Variants in ATP1A3 observed in about 807,000 individuals in gnomAD.
ATP1A3 encodes sodium/potassium-transporting ATPase subunit alpha-3.
ATP1A3 carries 12 observed loss-of-function variants against 108.8 expected under a neutral mutation model. The ratio of observed to expected loss-of-function variants is 0.11; its 90% CI spans 0.07 to 0.18. ATP1A3 has a LOEUF of 0.18. Among genes scored for constraint, ATP1A3 ranks in the 10% least tolerant of loss-of-function variants. ATP1A3 has a pLI of 1.00. For synonymous variants in ATP1A3, 539 were observed against 564.5 expected (o/e 0.95, Z 0.64); for missense variants, 498 against 1,387.7 (o/e 0.36, Z 10.19).
chr19:41,974,768 C>A (rs143300561), intron 16 of ATP1A3, among the ~76,000 whole-genome samples: 3 of 152,312 alleles, frequency 2.0e-5, no homozygotes, highest in Non-Finnish European at 2.9e-5. Context: ...CAAAATAAAT[C>A]TGAATGTGAA....
In ATP1A3 at chr19:41,966,591, C is replaced by A; in HGVS notation, c.*346G>T. ...ACAACACACACACCGCTTCTCTCTC[C>A]CCACTGATATATTTGATAATTGTCC... On this transcript the variant is annotated 3_prime_UTR_variant, in exon 23 of 23. Coordinates refer to ENST00000648268, the MANE Select transcript of ATP1A3 (RefSeq NM_152296.5). 5.0e-6 allele frequency: 7 copies of A among 1,403,984 alleles called. No individual in the cohort carries two copies. The highest frequency in any genetic ancestry group is 6.6e-6 in the Non-Finnish European group (7 of 1,053,922). 87.0% of individuals were successfully genotyped at this position (1,403,984 alleles called of 1,614,324 possible).
Position 41,985,449 on chromosome 19 carries a change from G to A in ATP1A3, c.607-26C>T, listed in dbSNP as rs782611739. ...CTGGGGGTAGGTGCAGCAGAGAGAGGGTTCAGTCCAGGGCCTGGGACAGGA... is the reference window on the plus strand; with the variant it reads ...CTGGGGGTAGGTGCAGCAGAGAGAGAGTTCAGTCCAGGGCCTGGGACAGGA... On this transcript the variant is annotated intron_variant, in intron 6 of 22. Transcript: ENST00000648268. The surrounding 1 kb of genome is among the most constrained non-coding windows in gnomAD (Gnocchi z 8.2). The A allele has an allele frequency of 3.3e-5, 52 of 1,597,672 alleles. No individual in the cohort carries two copies. In the South Asian group the frequency reaches 5.2e-4, roughly 16 times the overall value.
chr19:41,966,957 C>T lies in ATP1A3; in HGVS notation c.3022G>A (p.Glu1008Lys). 1 of 1,551,278 alleles carries T rather than the reference C, an allele frequency of 6.4e-7. No individual in the cohort carries two copies. Among genetic ancestry groups the T allele is most frequent in the Non-Finnish European group, 8.7e-7 (1 of 1,146,942 alleles). The change falls in exon 23 of 23, where the codon GAG becomes AAG. Residue 1008 changes from glutamate (E) to lysine (K), a missense_variant. Physicochemically the swap from Glu to Lys is moderately conservative, Grantham distance 56 (BLOSUM62 1). Around this residue, in one of 9 missense-constraint regions of ATP1A3, gnomAD observed 29 missense variants for 41.0 expected, o/e 0.71. Transcript: ENST00000648268. The part of the protein sequence containing the change: ...ILRRNPGGWV[E>K]KETYY ...TGAGGTCAGTAGTAGGTTTCCTTCT[C>T]CACCCAACCTGGAGAGACAAAGAAG...
In ATP1A3 at chr19:41,985,725, G is replaced by C. The variant is rs927939323; in HGVS notation, c.606+139C>G. The C allele has an allele frequency of 8.7e-4, 1,142 of 1,315,266 alleles. 7 individuals are homozygous for C. Among genetic ancestry groups the C allele is most frequent in the Admixed American group, 3.9e-4 (16 of 41,198 alleles). The allele number at this position is 1,315,266 out of a possible 1,614,324, so 81.5% of individuals were successfully genotyped here. On this transcript the variant is annotated intron_variant, in intron 6 of 22. Transcript: ENST00000648268. The surrounding 1 kb of genome is among the most constrained non-coding windows in gnomAD (Gnocchi z 8.2). The stretch of plus-strand genomic sequence containing the variant: ...CTAAACTCCTGGGTCTGAGGGAGGA[G>C]GGCCTGGGGGCCTGGACTCCTGGGT...
chr19:41,983,916 A>C (rs2075261089), intron 8 of ATP1A3, among the ~76,000 whole-genome samples: 1 of 151,366 alleles, frequency 6.6e-6, no homozygotes, highest in East Asian at 1.9e-4. Context: ...CTGGGATTCC[A>C]GGCACCCATC....
At position 41,968,964 on chromosome 19, in the gene ATP1A3, G is replaced by C. The variant is rs1555859195; in HGVS notation, c.2689-49C>G. The C allele has an allele frequency of 1.9e-6, 3 of 1,611,834 alleles. No homozygotes were observed. In the East Asian group the frequency reaches 6.7e-5, roughly 36 times the overall value. Reference sequence around the variant, plus strand: ...CGGGACGTCAGTTAGTGGCACTGCAGCCCTAGCCGCCACCCCGACGTTCCG... The same window carrying C: ...CGGGACGTCAGTTAGTGGCACTGCACCCCTAGCCGCCACCCCGACGTTCCG... On this transcript the variant is annotated intron_variant, in intron 19 of 22. Coordinates refer to ENST00000648268, the MANE Select transcript of ATP1A3 (RefSeq NM_152296.5). The surrounding 1 kb of genome is among the most constrained non-coding windows in gnomAD (Gnocchi z 5.0).
chr19:41,973,020 C>T (rs1005319813), intron 16 of ATP1A3, among the ~76,000 whole-genome samples: 5 of 152,166 alleles, frequency 3.3e-5, no homozygotes, highest in African/African-American at 1.2e-4. Context: ...CTGATATTCT[C>T]GTTCCCTGCA....
chr19:41,988,902 C>A lies in ATP1A3; in HGVS notation c.7-340G>T, dbSNP rs900620222. Among the ~76,000 whole-genome samples the A allele has an allele frequency of 3.9e-5, 6 of 152,150 alleles. No individual in the cohort carries two copies. Among genetic ancestry groups the A allele is most frequent in the Non-Finnish European group, 8.8e-5 (6 of 68,030 alleles). On this transcript the variant is annotated intron_variant, in intron 1 of 22. Transcript: ENST00000648268. The surrounding 1 kb of genome is among the most constrained non-coding windows in gnomAD (Gnocchi z 5.3). Reference sequence around the variant, plus strand: ...TTCAGTCTCTCTCTGTTTCTGTGCCCATCTTTGCGGGGCTCTCCCCTTTTG... The same window carrying A: ...TTCAGTCTCTCTCTGTTTCTGTGCCAATCTTTGCGGGGCTCTCCCCTTTTG...
intron 17 of ATP1A3, 28 bp from the exon 18 acceptor site, chr19:41,970,336 A>G: frequency 1.2e-6 from 2 of 1,614,094 alleles, no homozygotes; most frequent in Non-Finnish European, 8.5e-7. Context: ...GGTGAGCCGG[A>G]GAGGGGAGGA....
intron 18 of ATP1A3, among the ~76,000 whole-genome samples, chr19:41,969,872 G>A (rs1309786700): frequency 1.3e-5 from 2 of 152,240 alleles, no homozygotes; most frequent in African/African-American, 4.8e-5. Flanking sequence ...ATTCTTGGGG[G>A]ATCCCCAGCT....
rs1466248769 is a variant in ATP1A3 at position 41,993,951 on chromosome 19, G to A, written c.6+120C>T. The A allele has an allele frequency of 2.0e-6, 3 of 1,534,462 alleles. No homozygotes were observed. The African/African-American group carries it at 4.2e-5, about 21-fold the overall frequency. On this transcript the variant is annotated intron_variant, in intron 1 of 22. Coordinates refer to ENST00000648268, the MANE Select transcript of ATP1A3 (RefSeq NM_152296.5). ...ATTGGCTGGGTCAGCCGGCTCCCCG[G>A]GTCTCGCAGGCCTGGCCCCGGAGCG...
rs573008617 is a variant in ATP1A3, at chr19:41,984,535, T to C, written c.993+383A>G. ...CAGTGCACCCAGCCTCATTATTTTATTTTTTAACTTGATGTACTCTTCAAC... is the reference window on the plus strand; with the variant it reads ...CAGTGCACCCAGCCTCATTATTTTACTTTTTAACTTGATGTACTCTTCAAC... On this transcript the variant is annotated intron_variant, in intron 8 of 22. Coordinates refer to ENST00000648268, the MANE Select transcript of ATP1A3 (RefSeq NM_152296.5). The C allele has an allele frequency of 1.4e-4, 29 of 209,956 alleles. No homozygotes were observed. In the South Asian group the frequency reaches 2.4e-3, roughly 17 times the overall value. 13.0% of individuals were successfully genotyped at this position (209,956 alleles called of 1,614,324 possible). A position where few individuals can be genotyped will look rare whatever the true frequency, so the allele number is the denominator to read the frequency against.
intron 15 of ATP1A3, 23 bp downstream of exon 15, chr19:41,976,393 T>A: frequency 6.2e-7 from 1 of 1,613,718 alleles, no homozygotes; most frequent in African/African-American, 1.3e-5. Flanking sequence ...CCCCGTCCCC[T>A]CCTCTGCGGG....
At position 41,966,683 on chromosome 19, in the gene ATP1A3, G is replaced by C; in HGVS notation, c.*254C>G. On this transcript the variant is annotated 3_prime_UTR_variant, in exon 23 of 23. Transcript: ENST00000648268. ...AAAAAGAGCCCAGGGAGGTGGCTGGGGCGGGAGGAATGGATAGAGGGGTGA... is the reference window on the plus strand; with the variant it reads ...AAAAAGAGCCCAGGGAGGTGGCTGGCGCGGGAGGAATGGATAGAGGGGTGA... 5.2e-6 allele frequency: 8 copies of C among 1,535,986 alleles called. No homozygotes were observed. The highest frequency in any genetic ancestry group is 7.0e-6 in the Non-Finnish European group (8 of 1,138,238).
intron 16 of ATP1A3, among the ~76,000 whole-genome samples, chr19:41,972,853 G>A (rs539078154): frequency 4.4e-4 from 59 of 133,736 alleles, no homozygotes; most frequent in African/African-American, 1.7e-3. Context: ...AAGGAAGGAA[G>A]GAAGGAAAGA....
intron 16 of ATP1A3, among the ~76,000 whole-genome samples, chr19:41,971,714 T>C (rs1425920941): frequency 2.0e-5 from 3 of 152,082 alleles, no homozygotes; most frequent in Non-Finnish European, 2.9e-5. Context: ...GTCAGGATAA[T>C]GGTTATGTCT....
At chr19:41,990,224 A>G (rs1283944031) in intron 1 of ATP1A3, among the ~76,000 whole-genome samples, 1 of 147,058 alleles carries the variant, frequency 6.8e-6, no homozygotes, top group Non-Finnish European at 1.5e-5. Context: ...TCTCTCTAAT[A>G]TCTCTCTCTG....
At chr19:41,980,055 T>C (rs367659091) in intron 11 of ATP1A3, among the ~76,000 whole-genome samples, 117 of 152,240 alleles carry the variant, frequency 7.7e-4, no homozygotes, top group African/African-American at 2.6e-3. Flanking sequence ...GGCTGGCTGG[T>C]GTTCAGATGC....
Position 41,985,106 on chromosome 19 carries a change from C to T in ATP1A3, c.805G>A (p.Val269Met), listed in dbSNP as rs782749330. Residue 269 changes from valine to methionine, a missense_variant, in exon 8 of 23, where the codon GTG becomes ATG. Physicochemically the swap from Val to Met is conservative, Grantham distance 21. Coordinates refer to ENST00000648268, the MANE Select transcript of ATP1A3 (RefSeq NM_152296.5). This position sits in a 1 kb window ranked among gnomAD's most constrained non-coding sequence, Gnocchi z 8.2. ...TCGATGGCGATGGGCGTCTTGCCCA[C>T]CTCCAGCCCTGATGCCAGGGTGGCG... is the stretch of plus-strand genomic sequence containing the variant. Reference protein sequence around the residue: ...RIATLASGLEVGKTPIAIEIE... With the variant: ...RIATLASGLEMGKTPIAIEIE... 2.5e-6 allele frequency: 4 copies of T among 1,614,014 alleles called. No individual in the cohort carries two copies. Among genetic ancestry groups the T allele is most frequent in the Non-Finnish European group, 3.4e-6 (4 of 1,179,944 alleles).
Sources: gnomAD v4.1 joint callset for allele counts (sites outside exome capture counted in the v4.1 genomes callset) on GRCh38, gnomAD v4.1.1 for gene constraint, gnomAD v4.1.1 regional missense constraint, Gnocchi (gnomAD v3.1) non-coding constraint, MANE v1.5 for transcripts, NCBI Gene and HGNC (gene_info 2026-07-23, HGNC 2026-07-21) for gene names.